Variants in GALNT1 observed in about 807,000 individuals in gnomAD.
The protein encoded by GALNT1 is polypeptide N-acetylgalactosaminyltransferase 1.
GALNT1 carries 17 observed loss-of-function variants against 65.7 expected under a neutral mutation model. The observed-to-expected ratio is 0.26, with a 90% CI of 0.18 to 0.39. GALNT1 has a LOEUF of 0.39. GALNT1 is among the 10% of genes least tolerant of loss of function. GALNT1 has a pLI of 1.00. For missense variants in GALNT1, 460 were observed against 672.8 expected, an observed-to-expected ratio of 0.68 and a Z score of 3.50; for synonymous variants, 210 against 219.7, an observed-to-expected ratio of 0.96 and a Z score of 0.39.
At chr18:35,684,685 A>G (rs912211507) in intron 5 of GALNT1, among the ~76,000 whole-genome samples, 1 of 152,200 alleles carries the variant, frequency 6.6e-6, no homozygotes, top group Non-Finnish European at 1.5e-5. Flanking sequence ...AAAAGACAAA[A>G]CAAATTTTAA....
At chr18:35,614,109 C>T (rs767055799) in intron 1 of GALNT1, among the ~76,000 whole-genome samples, 1 of 152,134 alleles carries the variant, frequency 6.6e-6, no homozygotes, top group Non-Finnish European at 1.5e-5. Context: ...TCAAACATTG[C>T]AGATATTGTA....
rs536180192 is a variant in GALNT1 at position 35,675,846 on chromosome 18, TC to T, written c.315-1744del. On this transcript the variant is annotated intron_variant, in intron 3 of 11. Coordinates refer to ENST00000269195, the MANE Select transcript of GALNT1 (RefSeq NM_020474.4). ...GCTAAGTAATGGAAGAAACTCTTTT[TC>T]TGACCCCCTTTTACCCATACATAGG... Among the ~76,000 whole-genome samples the T allele has an allele frequency of 1.3e-3, 197 of 152,318 alleles. 1 individual carries two copies. The highest frequency in any genetic ancestry group is 2.1e-3 in the Non-Finnish European group (141 of 68,032).
intron 1 of GALNT1, among the ~76,000 whole-genome samples, chr18:35,631,522 AC>A (rs2047009914): frequency 6.6e-6 from 1 of 152,106 alleles, no homozygotes; most frequent in African/African-American, 2.4e-5. Flanking sequence ...CATGCTAAAA[AC>A]TCTGAATAAA....
chr18:35,596,909 A>T (rs1328009446), intron 1 of GALNT1: 2 of 152,234 alleles, frequency 1.3e-5, no homozygotes, highest in African/African-American at 4.8e-5. Context: ...ACTGTTCTTC[A>T]TTCACTACTC....
intron 9 of GALNT1, among the ~76,000 whole-genome samples, chr18:35,699,158 C>T (rs1054753724): frequency 2.6e-5 from 4 of 151,984 alleles, no homozygotes; most frequent in African/African-American, 9.7e-5. Context: ...ATGTATGCCC[C>T]CTCTAATTCT....
chr18:35,692,043 G>C lies in GALNT1; in HGVS notation c.1160-138G>C, dbSNP rs1454962771. The C allele has an allele frequency of 4.4e-5, 28 of 632,952 alleles. No individual in the cohort carries two copies. In the East Asian group the frequency reaches 7.9e-4, roughly 18 times the overall value. 39.2% of individuals were successfully genotyped at this position (632,952 alleles called of 1,614,324 possible). On this transcript the variant is annotated intron_variant, in intron 8 of 11. Coordinates refer to ENST00000269195, the MANE Select transcript of GALNT1 (RefSeq NM_020474.4). The stretch of plus-strand genomic sequence containing the variant: ...TGCTTTATACTTTTGGTGGATTCAT[G>C]GTGTCTCCACTTGTATAGTCACATA...
intron 1 of GALNT1, among the ~76,000 whole-genome samples, chr18:35,583,209 G>T (rs2046343445): frequency 6.6e-6 from 1 of 152,208 alleles, no homozygotes; most frequent in African/African-American, 2.4e-5. Flanking sequence ...TGGTGTACCA[G>T]CAGCATCCCT....
intron 7 of GALNT1, 103 bp downstream of exon 7, chr18:35,689,393 A>T (rs1366721436): frequency 7.0e-6 from 5 of 718,952 alleles, no homozygotes; most frequent in Non-Finnish European, 9.4e-6. Flanking sequence ...TGAATTTAAT[A>T]CAAGTTTAAT....
At chr18:35,641,203 G>T (rs1037807542) in intron 1 of GALNT1, among the ~76,000 whole-genome samples, 1 of 152,176 alleles carries the variant, frequency 6.6e-6, no homozygotes, top group South Asian at 2.1e-4. Flanking sequence ...CCAGCACTTT[G>T]GGAGGCTGAG....
intron 1 of GALNT1, among the ~76,000 whole-genome samples, chr18:35,642,904 T>G (rs1016501102): frequency 6.6e-6 from 1 of 152,002 alleles, no homozygotes; most frequent in Non-Finnish European, 1.5e-5. Context: ...GCCACTCATC[T>G]GTATGTCTCT....
At position 35,687,252 on chromosome 18, in the gene GALNT1, C is replaced by T. The variant is rs1227227039; in HGVS notation, c.860+66C>T. 9 of 1,455,906 alleles carry T rather than the reference C, an allele frequency of 6.2e-6. No homozygotes were observed. The African/African-American group carries it at 9.8e-5, about 16-fold the overall frequency. 90.2% of individuals were successfully genotyped at this position (1,455,906 alleles called of 1,614,324 possible). ...CAGAAGGTTGTGGAGCTTTGGGAAT[C>T]ATATCAAATGGATAAGTGTATTTTG... is the stretch of plus-strand genomic sequence containing the variant. On this transcript the variant is annotated intron_variant, in intron 6 of 11. Coordinates refer to ENST00000269195, the MANE Select transcript of GALNT1 (RefSeq NM_020474.4).
At chr18:35,600,000 G>T (rs2046561279) in intron 1 of GALNT1, among the ~76,000 whole-genome samples, 1 of 152,142 alleles carries the variant, frequency 6.6e-6, no homozygotes, top group Non-Finnish European at 1.5e-5. Flanking sequence ...GATTGCTATG[G>T]CTATTTGGGG....
At chr18:35,691,697 C>T (rs917263980) in intron 8 of GALNT1, among the ~76,000 whole-genome samples, 4 of 152,134 alleles carry the variant, frequency 2.6e-5, no homozygotes, top group Admixed American at 6.6e-5. Flanking sequence ...GCCTTCTTTC[C>T]GGAAACTTTG....
chr18:35,694,797 T>C (rs528600871), intron 9 of GALNT1, among the ~76,000 whole-genome samples: 7 of 152,318 alleles, frequency 4.6e-5, no homozygotes, highest in African/African-American at 1.7e-4. Flanking sequence ...GTGACTGCTA[T>C]AAATCGTGAT....
chr18:35,643,245 C>T (rs73946689), intron 1 of GALNT1, among the ~76,000 whole-genome samples: 2,424 of 151,990 alleles, frequency 0.016, 32 homozygotes, highest in African/African-American at 0.028. Flanking sequence ...TTGATGTTAA[C>T]GCTAAGATGT....
chr18:35,697,812 C>G (rs2144707872), intron 9 of GALNT1, among the ~76,000 whole-genome samples: 1 of 152,320 alleles, frequency 6.6e-6, no homozygotes, highest in Admixed American at 6.5e-5. Flanking sequence ...ATGATACTCT[C>G]AGTTTGTACA....
At chr18:35,685,154 G>T (rs1196685448) in intron 5 of GALNT1, among the ~76,000 whole-genome samples, 7 of 152,032 alleles carry the variant, frequency 4.6e-5, no homozygotes, top group Non-Finnish European at 7.4e-5. Context: ...AAATTACAGT[G>T]CAAATCTGTT....
Position 35,679,319 on chromosome 18 carries a change from A to T in GALNT1, c.481+1562A>T, listed in dbSNP as rs116258214. ...AGATACTTAACCTGAGATAAAATGA[A>T]TTATTTTTTCATTTCCTCCTTTGTT... is the stretch of plus-strand genomic sequence containing the variant. On this transcript the variant is annotated intron_variant, in intron 4 of 11. Coordinates refer to ENST00000269195, the MANE Select transcript of GALNT1 (RefSeq NM_020474.4). 9.3e-3 allele frequency among the ~76,000 whole-genome samples: 1,419 copies of T among 152,322 alleles called. 22 individuals are homozygous for T. Among genetic ancestry groups the T allele is most frequent in the African/African-American group, 0.033 (1,353 of 41,568 alleles).
At chr18:35,613,369 AG>A (rs968231262) in intron 1 of GALNT1, among the ~76,000 whole-genome samples, 1 of 152,176 alleles carries the variant, frequency 6.6e-6, no homozygotes, top group African/African-American at 2.4e-5. Context: ...GTTAAAAAAA[AG>A]GTCCCACATT....
Sources: gnomAD v4.1 joint callset for allele counts (sites outside exome capture counted in the v4.1 genomes callset) on GRCh38, gnomAD v4.1.1 for gene constraint, MANE v1.5 for transcripts, NCBI Gene and HGNC (gene_info 2026-07-23, HGNC 2026-07-21) for gene names.